The following DNMBP variants were observed in gnomAD, a reference collection of about 807,000 sequenced individuals.
DNMBP encodes the protein dynamin-binding protein.
Under a neutral mutation model 150.0 loss-of-function variants are expected in DNMBP, and 87 were observed. That is an observed-to-expected ratio of 0.58 (90% CI 0.49 to 0.69). DNMBP has a LOEUF of 0.69. Among genes scored for constraint, DNMBP ranks in the 30% least tolerant of loss-of-function variants. DNMBP has a pLI of 0.00. For synonymous variants in DNMBP, 711 were observed against 750.4 expected, an observed-to-expected ratio of 0.95 and a Z score of 0.86; for missense variants, 1,774 against 1,949.0, an observed-to-expected ratio of 0.91 and a Z score of 1.69.
intron 1 of DNMBP, among the ~76,000 whole-genome samples, chr10:99,995,038 G>A (rs1339283712): frequency 6.6e-6 from 1 of 151,086 alleles, no homozygotes; most frequent in African/African-American, 2.4e-5. Flanking sequence ...ATGCGCCACT[G>A]TGCCCAGCTT....
At chr10:99,884,877 C>G (rs2039432569) in intron 14 of DNMBP, among the ~76,000 whole-genome samples, 1 of 152,068 alleles carries the variant, frequency 6.6e-6, no homozygotes, top group African/African-American at 2.4e-5. Flanking sequence ...GCATTCCAGC[C>G]TGGGTGACAG....
chr10:99,975,465 T>C (rs2040718412), intron 1 of DNMBP, among the ~76,000 whole-genome samples: 1 of 152,170 alleles, frequency 6.6e-6, no homozygotes, highest in East Asian at 1.9e-4. Context: ...AAGATGTTAA[T>C]AAATCATGCT....
chr10:99,962,545 G>A (rs553462542), intron 3 of DNMBP, among the ~76,000 whole-genome samples: 3 of 152,280 alleles, frequency 2.0e-5, no homozygotes, highest in Admixed American at 6.5e-5. Context: ...GCAGGAGAAC[G>A]GTGTGAACCT....
intron 1 of DNMBP, among the ~76,000 whole-genome samples, chr10:99,980,708 G>A (rs2040773269): frequency 6.6e-6 from 1 of 152,146 alleles, no homozygotes; most frequent in Non-Finnish European, 1.5e-5. Flanking sequence ...AGGAAGCTGA[G>A]GTGGGAGGGT....
At position 99,956,842 on chromosome 10, in the gene DNMBP, G is replaced by A. The variant is rs2040503125; in HGVS notation, c.632C>T (p.Ser211Leu). ...LLGPLRTVDE[S>L]VSSGNQDDCI... is the part of the protein sequence containing the mutation. ...GTCATCTTGATTTCCAGAACTTACT[G>A]ACTCATCCACAGTCCTCAGGGGCCC... is the stretch of plus-strand genomic sequence containing the variant. Residue 211 changes from serine (S) to leucine (L), a missense_variant, in exon 4 of 17, where the codon TCA becomes TTA. Physicochemically the swap from Ser to Leu is moderately radical, Grantham distance 145 (BLOSUM62 -2). Around this residue, in one of 2 missense-constraint regions of DNMBP, gnomAD observed 344 missense variants for 456.6 expected, o/e 0.75. Transcript: ENST00000324109. 2 of 1,613,922 alleles carry A rather than the reference G, an allele frequency of 1.2e-6. No individual in the cohort carries two copies. The highest frequency in any genetic ancestry group is 2.7e-5 in the African/African-American group (2 of 74,876).
intron 11 of DNMBP, among the ~76,000 whole-genome samples, chr10:99,889,804 T>C (rs1392216376): frequency 6.6e-6 from 1 of 152,196 alleles, no homozygotes; most frequent in Non-Finnish European, 1.5e-5. Flanking sequence ...TTATCATCTC[T>C]TTGGCATTCC....
intron 1 of DNMBP, among the ~76,000 whole-genome samples, chr10:100,001,288 A>C (rs2041009079): frequency 1.4e-5 from 2 of 141,768 alleles, no homozygotes; most frequent in East Asian, 2.1e-4. Context: ...GAGAGTGAGA[A>C]AGGAAGGCAG....
At chr10:100,009,723 C>T (rs532127008) in intron 1 of DNMBP, 115 bp downstream of exon 1, 3 of 150,934 alleles carry the variant, frequency 2.0e-5, no homozygotes, top group African/African-American at 7.3e-5. Flanking sequence ...CCTAGCCGCG[C>T]GGCGCGGCGC....
At chr10:99,973,715 C>T (rs748292709) in intron 1 of DNMBP, among the ~76,000 whole-genome samples, 6 of 152,164 alleles carry the variant, frequency 3.9e-5, no homozygotes, top group Admixed American at 6.5e-5. Flanking sequence ...CGCGGTGGCT[C>T]GCACCTGTAA....
chr10:99,931,019 T>G (rs750960026), intron 4 of DNMBP: 78 of 372,878 alleles, frequency 2.1e-4, no homozygotes, highest in Non-Finnish European at 3.0e-4. Flanking sequence ...TGCATGTGAT[T>G]GGAGTTGCCA....
At chr10:99,891,733 C>T (rs551855074) in intron 11 of DNMBP, among the ~76,000 whole-genome samples, 2 of 145,604 alleles carry the variant, frequency 1.4e-5, no homozygotes, top group East Asian at 2.0e-4. Context: ...GTGAGGAGCA[C>T]CTCTTCCCGG....
chr10:99,961,591 G>A (rs1418107833), intron 3 of DNMBP, among the ~76,000 whole-genome samples: 2 of 151,284 alleles, frequency 1.3e-5, no homozygotes, highest in African/African-American at 4.9e-5. Context: ...TCTATGCTAC[G>A]ACCCTGGTCC....
At chr10:99,966,580 C>G (rs1430870162) in intron 3 of DNMBP, among the ~76,000 whole-genome samples, 1 of 152,176 alleles carries the variant, frequency 6.6e-6, no homozygotes, top group Non-Finnish European at 1.5e-5. Context: ...TCCATTCCAT[C>G]AGATATGGAC....
intron 1 of DNMBP, among the ~76,000 whole-genome samples, chr10:99,982,408 C>T (rs12771910): frequency 0.31 from 47,784 of 151,726 alleles, 7,578 homozygotes; most frequent in Non-Finnish European, 0.33. Context: ...CGTGCTACTG[C>T]AATCCAGCCT....
In DNMBP at chr10:99,957,126, G is replaced by C. The variant is rs781740819; in HGVS notation, c.348C>G (p.Phe116Leu). The C allele has an allele frequency of 6.2e-7, 1 of 1,613,532 alleles. No homozygotes were observed. The highest frequency in any genetic ancestry group is 2.2e-5 in the East Asian group (1 of 44,866). ...AGAGCTCGCGGACACATGAAGATGGGAAGAAGCCCCGTGCGCCCCAGCAGC... is the reference window on the plus strand; with the variant it reads ...AGAGCTCGCGGACACATGAAGATGGCAAGAAGCCCCGTGCGCCCCAGCAGC... ...GRSCWGARGF[F>L]PSSCVRELCL... Residue 116 changes from phenylalanine to leucine, a missense_variant, in exon 4 of 17, where the codon TTC becomes TTG. Around this residue, in one of 2 missense-constraint regions of DNMBP, gnomAD observed 344 missense variants for 456.6 expected, o/e 0.75. Coordinates refer to ENST00000324109, the MANE Select transcript of DNMBP (RefSeq NM_015221.4).
At chr10:99,928,019 C>G (rs2040101982) in intron 4 of DNMBP, 1 of 151,996 alleles carries the variant, frequency 6.6e-6, no homozygotes, top group Non-Finnish European at 1.5e-5. Flanking sequence ...AGACTTTTTT[C>G]TTTTTTAGCT....
At chr10:99,981,435 G>C (rs565501454) in intron 1 of DNMBP, among the ~76,000 whole-genome samples, 4 of 152,250 alleles carry the variant, frequency 2.6e-5, no homozygotes, top group Non-Finnish European at 1.5e-5. Context: ...GCCCGCCTTG[G>C]CCTCTCAAAG....
intron 1 of DNMBP, among the ~76,000 whole-genome samples, chr10:99,999,552 A>T (rs1219998286): frequency 6.6e-6 from 1 of 152,226 alleles, no homozygotes; most frequent in Middle Eastern, 3.2e-3. Context: ...GCAGTCTAAA[A>T]ATAGGTGAGT....
At chr10:99,977,174 A>G (rs1223761936) in intron 1 of DNMBP, among the ~76,000 whole-genome samples, 1 of 152,214 alleles carries the variant, frequency 6.6e-6, no homozygotes, top group Non-Finnish European at 1.5e-5. Flanking sequence ...ATCACTGAGG[A>G]GCACACACCC....
Sources: allele counts gnomAD v4.1 joint callset (sites outside exome capture counted in the v4.1 genomes callset), GRCh38; gene constraint gnomAD v4.1.1; regional missense constraint gnomAD v4.1.1; transcripts MANE v1.5; gene names NCBI Gene and HGNC (gene_info 2026-07-23, HGNC 2026-07-21).